UPF2: variants seen among roughly 807,000 people sequenced by gnomAD.
The protein encoded by UPF2 is regulator of nonsense transcripts 2.
A neutral mutation model predicts 141.4 loss-of-function variants in UPF2; 17 were observed. The ratio of observed to expected loss-of-function variants is 0.12; its 90% CI spans 0.08 to 0.18. The LOEUF (loss-of-function observed/expected upper bound fraction) is 0.18. Among genes scored for constraint, UPF2 ranks in the 10% least tolerant of loss-of-function variants. UPF2 has a pLI of 1.00. For synonymous variants in UPF2, 540 were observed against 498.0 expected (o/e 1.08, Z -1.12); for missense variants, 1,152 against 1,515.9 (o/e 0.76, Z 3.99).
intron 8 of UPF2, among the ~76,000 whole-genome samples, chr10:11,993,233 TA>T (rs1302709212): frequency 6.8e-6 from 1 of 146,912 alleles, no homozygotes; most frequent in Non-Finnish European, 1.5e-5. Flanking sequence ...AGGCATTAAA[TA>T]AGACCAAGAA....
At chr10:11,978,633 C>G (rs1476763772) in intron 9 of UPF2, among the ~76,000 whole-genome samples, 1 of 152,148 alleles carries the variant, frequency 6.6e-6, no homozygotes, top group Non-Finnish European at 1.5e-5. Flanking sequence ...TTGCTAGTAT[C>G]AGAGTATTGA....
chr10:11,962,983 T>A (rs1373104696), intron 11 of UPF2, among the ~76,000 whole-genome samples: 1 of 152,210 alleles, frequency 6.6e-6, no homozygotes, highest in Admixed American at 6.5e-5. Context: ...TTTTTTTAAT[T>A]TCCCATAATG....
At chr10:11,941,435 A>T (rs1358858705) in intron 18 of UPF2, among the ~76,000 whole-genome samples, 1 of 152,198 alleles carries the variant, frequency 6.6e-6, no homozygotes, top group Non-Finnish European at 1.5e-5. Context: ...CACCTAAGAC[A>T]CCTATAACAC....
chr10:11,997,565 G>A, intron 8 of UPF2, 107 bp downstream of exon 8: 2 of 976,486 alleles, frequency 2.0e-6, no homozygotes, highest in Admixed American at 2.2e-5. Flanking sequence ...ATGACCTACA[G>A]AGTGAATAAA....
intron 3 of UPF2, among the ~76,000 whole-genome samples, chr10:12,026,475 C>A (rs530809575): frequency 1.3e-5 from 2 of 152,158 alleles, no homozygotes; most frequent in South Asian, 4.1e-4. Context: ...GGAAACATCA[C>A]GGCAGTCTGA....
chr10:12,042,523 C>T lies in UPF2; in HGVS notation c.-19+232G>A, dbSNP rs569684877. 3.3e-5 allele frequency among the ~76,000 whole-genome samples: 5 copies of T among 152,188 alleles called. No homozygotes were observed. Among genetic ancestry groups the T allele is most frequent in the Admixed American group, 3.3e-4 (5 of 15,280 alleles). On this transcript the variant is annotated intron_variant, in intron 1 of 21. Coordinates refer to ENST00000357604, the MANE Select transcript of UPF2 (RefSeq NM_015542.4). This position sits in a 1 kb window ranked among gnomAD's most constrained non-coding sequence, Gnocchi z 5.5. ...GGGCAGGCACCTCCTCCACCGCCCC[C>T]CAAGCATGGCCCGGCCCGGGGGCTC... is the stretch of plus-strand genomic sequence containing the variant.
intron 11 of UPF2, among the ~76,000 whole-genome samples, chr10:11,961,687 T>G (rs1276877067): frequency 6.6e-6 from 1 of 152,158 alleles, no homozygotes; most frequent in Non-Finnish European, 1.5e-5. Flanking sequence ...GGGCTGTATC[T>G]TTTTCACTGT....
intron 3 of UPF2, among the ~76,000 whole-genome samples, chr10:12,027,456 T>C (rs913913980): frequency 3.9e-5 from 6 of 152,110 alleles, no homozygotes; most frequent in South Asian, 2.1e-4. Context: ...GACTATGAAA[T>C]TGACAAAGCA....
In UPF2 at chr10:11,952,079, G is replaced by T; in HGVS notation, c.3021C>A (p.Phe1007Leu). ...TCAATTGCTTACCTAGTTTTATTAA[G>T]AATTCTCGTTCCAAGTCTTGTACCT... ...IRQVQDLERE[F>L]LIKLGLVNDK... The change falls in exon 15 of 22, where the codon TTC becomes TTA. Residue 1007 changes from phenylalanine (F) to leucine (L), a missense_variant. Phe to Leu is a conservative substitution (Grantham distance 22). Transcript: ENST00000357604. The T allele has an allele frequency of 6.2e-7, 1 of 1,613,598 alleles. No individual in the cohort carries two copies. Among genetic ancestry groups the T allele is most frequent in the Non-Finnish European group, 8.5e-7 (1 of 1,179,810 alleles).
intron 3 of UPF2, among the ~76,000 whole-genome samples, chr10:12,024,722 C>T (rs1299439690): frequency 6.6e-6 from 1 of 151,884 alleles, no homozygotes; most frequent in African/African-American, 2.4e-5. Context: ...CGCTTGACCC[C>T]AGAAGTTTGA....
chr10:11,932,221 T>C (rs1165889287), intron 19 of UPF2, among the ~76,000 whole-genome samples: 1 of 152,130 alleles, frequency 6.6e-6, no homozygotes, highest in Non-Finnish European at 1.5e-5. Context: ...CTAAGATGTT[T>C]TTATCTAAAC....
Position 11,949,918 on chromosome 10 carries a change from A to G in UPF2, c.3035-1410T>C, listed in dbSNP as rs191687733. Reference sequence around the variant, plus strand: ...AACCTAAGAGTGAAACAGCTGTATTAAGTAAATTATGGCACATAGATACAA... The same window carrying G: ...AACCTAAGAGTGAAACAGCTGTATTGAGTAAATTATGGCACATAGATACAA... On this transcript the variant is annotated intron_variant, in intron 15 of 21. Coordinates refer to ENST00000357604, the MANE Select transcript of UPF2 (RefSeq NM_015542.4). Among the ~76,000 whole-genome samples, 3 of 152,374 alleles carry G rather than the reference A, an allele frequency of 2.0e-5. No individual in the cohort carries two copies. In the East Asian group the frequency reaches 5.8e-4, roughly 29 times the overall value.
At chr10:11,961,422 G>A (rs925321834) in intron 11 of UPF2, among the ~76,000 whole-genome samples, 2 of 151,682 alleles carry the variant, frequency 1.3e-5, no homozygotes, top group African/African-American at 4.8e-5. Flanking sequence ...GGAAGAGCAC[G>A]CATGCAGAGG....
intron 13 of UPF2, 147 bp from the exon 14 acceptor site, chr10:11,955,654 C>G: frequency 2.6e-6 from 2 of 782,886 alleles, no homozygotes; most frequent in Non-Finnish European, 3.9e-6. Flanking sequence ...AAACTGGTTA[C>G]TTCTAGGTGT....
intron 1 of UPF2, among the ~76,000 whole-genome samples, chr10:12,037,963 C>T (rs1588584161): frequency 6.6e-6 from 1 of 152,070 alleles, no homozygotes; most frequent in Non-Finnish European, 1.5e-5. Flanking sequence ...TTTTCTTTTA[C>T]TCCCTCATTG....
Position 12,024,931 on chromosome 10 carries a change from CAAA to C in UPF2, c.1145+3811_1145+3813del, listed in dbSNP as rs61678431. On this transcript the variant is annotated intron_variant, in intron 3 of 21. Transcript: ENST00000357604. ...CCCAGGTAAGAGGGAGACCCTGTTA[CAAA>C]AAAAAAAAAAAAAAAAAAAAAAACA... Among the ~76,000 whole-genome samples the C allele has an allele frequency of 6.5e-3, 348 of 53,466 alleles. 1 individual carries two copies. Among genetic ancestry groups the C allele is most frequent in the Admixed American group, 8.3e-3 (27 of 3,244 alleles). The allele number at this position is 53,466 out of a possible 152,430, so 35.1% of individuals were successfully genotyped here. A position where few individuals can be genotyped will look rare whatever the true frequency, so the allele number is the denominator to read the frequency against.
At chr10:11,951,673 A>G (rs970914580) in intron 15 of UPF2, among the ~76,000 whole-genome samples, 1 of 152,338 alleles carries the variant, frequency 6.6e-6, no homozygotes, top group African/African-American at 2.4e-5. Context: ...TCCCTTCTAC[A>G]GTTTCTTTGC....
chr10:12,011,172 T>C (rs1462849615), intron 4 of UPF2, among the ~76,000 whole-genome samples: 1 of 152,210 alleles, frequency 6.6e-6, no homozygotes, highest in African/African-American at 2.4e-5. Flanking sequence ...TTAAAATTTT[T>C]TGTAGAGACA....
intron 16 of UPF2, among the ~76,000 whole-genome samples, chr10:11,945,803 T>C (rs1832993405): frequency 1.3e-5 from 2 of 152,180 alleles, no homozygotes; most frequent in South Asian, 4.1e-4. Flanking sequence ...TATTAGATAC[T>C]GCTCATGTAA....
Sources: allele counts gnomAD v4.1 joint callset (sites outside exome capture counted in the v4.1 genomes callset), GRCh38; gene constraint gnomAD v4.1.1; non-coding constraint Gnocchi (gnomAD v3.1); transcripts MANE v1.5; gene names NCBI Gene and HGNC (gene_info 2026-07-23, HGNC 2026-07-21).